KLF12: variants seen among roughly 807,000 people sequenced by gnomAD.
KLF12 encodes Krueppel-like factor 12.
Under a neutral mutation model 37.8 loss-of-function variants are expected in KLF12, and 9 were observed. That is an observed-to-expected ratio of 0.24 (90% CI 0.14 to 0.42). The LOEUF (loss-of-function observed/expected upper bound fraction) is 0.42. Among genes scored for constraint, KLF12 ranks in the 10% least tolerant of loss-of-function variants. KLF12 has a pLI of 1.00. For synonymous variants in KLF12, 208 were observed against 202.1 expected (o/e 1.03, Z -0.25); for missense variants, 411 against 516.0 (o/e 0.80, Z 1.97).
chr13:73,859,812 G>GAA (rs200854118), intron 3 of KLF12, among the ~76,000 whole-genome samples: 2 of 144,940 alleles, frequency 1.4e-5, no homozygotes, highest in East Asian at 2.0e-4. Context: ...GGATAAAATG[G>GAA]AAAAAAAAAA....
intron 2 of KLF12, among the ~76,000 whole-genome samples, chr13:73,977,139 T>G (rs1221434207): frequency 6.6e-6 from 1 of 151,754 alleles, no homozygotes; most frequent in Non-Finnish European, 1.5e-5. Flanking sequence ...CAATCTCCGC[T>G]TCCCAGGCTG....
chr13:74,181,154 A>G, the KLF12 span, among the ~76,000 whole-genome samples: 1 of 151,684 alleles, frequency 6.6e-6, no homozygotes. Flanking sequence ...ATGCGCCACC[A>G]TGCCTGGCTA....
the KLF12 span, among the ~76,000 whole-genome samples, chr13:74,143,283 T>A: frequency 1.5e-5 from 2 of 136,576 alleles, no homozygotes; most frequent in Non-Finnish European, 3.2e-5. Context: ...GTTTCCTGGT[T>A]TTTACATTTT....
chr13:74,217,077 G>A, the KLF12 span, among the ~76,000 whole-genome samples: 1 of 151,880 alleles, frequency 6.6e-6, no homozygotes, highest in African/African-American at 2.4e-5. Flanking sequence ...CATATCTAGG[G>A]ATTTCTAAAA....
chr13:73,766,455 T>A (rs1406287047), intron 5 of KLF12, among the ~76,000 whole-genome samples: 3 of 152,194 alleles, frequency 2.0e-5, no homozygotes, highest in African/African-American at 7.2e-5. Flanking sequence ...AATTTTTTCC[T>A]CTTTTATTCT....
the KLF12 span, among the ~76,000 whole-genome samples, chr13:74,156,126 A>C: frequency 6.6e-6 from 1 of 152,216 alleles, no homozygotes; most frequent in Non-Finnish European, 1.5e-5. Context: ...TGCACCTTCC[A>C]AAGTTACATC....
chr13:74,143,768 G>C, the KLF12 span, among the ~76,000 whole-genome samples: 1 of 152,160 alleles, frequency 6.6e-6, no homozygotes, highest in Non-Finnish European at 1.5e-5. Context: ...GCCATACCTT[G>C]AGTGCCCATA....
At chr13:74,179,893 A>C in the KLF12 span, among the ~76,000 whole-genome samples, 2 of 152,354 alleles carry the variant, frequency 1.3e-5, no homozygotes, top group African/African-American at 4.8e-5. Flanking sequence ...ATGATTACAT[A>C]ATTAACTTGT....
intron 1 of KLF12, among the ~76,000 whole-genome samples, chr13:74,067,714 C>T (rs1008422241): frequency 6.6e-6 from 1 of 152,130 alleles, no homozygotes; most frequent in African/African-American, 2.4e-5. Context: ...TTAAAAATTA[C>T]ATTTTGCCAT....
the KLF12 span, among the ~76,000 whole-genome samples, chr13:74,292,323 T>A: frequency 2.0e-5 from 3 of 152,170 alleles, no homozygotes; most frequent in Non-Finnish European, 4.4e-5. Context: ...CTATCTAAAC[T>A]TCAGTTCTCT....
the KLF12 span, among the ~76,000 whole-genome samples, chr13:74,223,637 GC>G: frequency 0.017 from 2,595 of 152,272 alleles, 68 homozygotes; most frequent in African/African-American, 0.057. Flanking sequence ...GGTCCAAAAA[GC>G]TCAGGGCAGT....
intron 6 of KLF12, among the ~76,000 whole-genome samples, chr13:73,764,553 A>G (rs1879782667): frequency 6.6e-6 from 1 of 152,164 alleles, no homozygotes; most frequent in African/African-American, 2.4e-5. Flanking sequence ...GTAATCCCCA[A>G]AACTAATGTA....
intron 3 of KLF12, among the ~76,000 whole-genome samples, chr13:73,925,037 A>T (rs1889308842): frequency 1.3e-5 from 2 of 152,228 alleles, no homozygotes; most frequent in Non-Finnish European, 2.9e-5. Flanking sequence ...AGCTTGGTTC[A>T]TGAGGTTTAA....
At chr13:74,000,651 GCAGTCACTTAAGAA>G (rs1892254370) in intron 1 of KLF12, among the ~76,000 whole-genome samples, 1 of 152,142 alleles carries the variant, frequency 6.6e-6, no homozygotes, top group Non-Finnish European at 1.5e-5. Context: ...CAAAGCTTGA[GCAGTCACTTAAGAA>G]CAGAGCTCAC....
In KLF12 at chr13:73,691,454, G is replaced by A. The variant is rs1324388936; in HGVS notation, c.*4036C>T. ...AGAGCAAAATCTGAGACTGGATTATGAACTATGAATATTAAGGCTTTCTGG... is the reference window on the plus strand; with the variant it reads ...AGAGCAAAATCTGAGACTGGATTATAAACTATGAATATTAAGGCTTTCTGG... On this transcript the variant is annotated 3_prime_UTR_variant, in exon 8 of 8. Transcript: ENST00000377669. 1 of 152,598 alleles carries A rather than the reference G, an allele frequency of 6.6e-6. No homozygotes were observed. Among genetic ancestry groups the A allele is most frequent in the African/African-American group, 2.4e-5 (1 of 41,434 alleles). 9.5% of individuals were successfully genotyped at this position (152,598 alleles called of 1,614,324 possible).
chr13:74,037,285 T>C (rs1386641994), intron 1 of KLF12, among the ~76,000 whole-genome samples: 1 of 152,170 alleles, frequency 6.6e-6, no homozygotes, highest in African/African-American at 2.4e-5. Flanking sequence ...CACCTGTTTT[T>C]TCCCTTCTAG....
chr13:73,707,836 A>C (rs1241197645), intron 7 of KLF12, among the ~76,000 whole-genome samples: 1 of 152,196 alleles, frequency 6.6e-6, no homozygotes, highest in African/African-American at 2.4e-5. Flanking sequence ...TGAAGATTCA[A>C]ATTAGAAGCA....
intron 6 of KLF12, among the ~76,000 whole-genome samples, chr13:73,717,190 G>A (rs965963529): frequency 1.3e-5 from 2 of 152,154 alleles, no homozygotes; most frequent in Admixed American, 1.3e-4. Flanking sequence ...CAGTGGGCTG[G>A]CCAGGCACAG....
At chr13:73,777,569 G>A (rs556105122) in intron 5 of KLF12, among the ~76,000 whole-genome samples, 12 of 152,148 alleles carry the variant, frequency 7.9e-5, no homozygotes, top group South Asian at 4.1e-4. Context: ...TTAGCCGGGC[G>A]CGGTGGCACA....
Sources: allele counts gnomAD v4.1 joint callset (sites outside exome capture counted in the v4.1 genomes callset), GRCh38; gene constraint gnomAD v4.1.1; transcripts MANE v1.5; gene names NCBI Gene and HGNC (gene_info 2026-07-23, HGNC 2026-07-21).